The following CRIM1 variants were observed in gnomAD, a reference collection of about 807,000 sequenced individuals.
CRIM1 encodes the protein cysteine-rich motor neuron 1 protein.
Under a neutral mutation model 116.4 loss-of-function variants are expected in CRIM1, and 32 were observed. The observed-to-expected ratio is 0.27, with a 90% CI of 0.21 to 0.37. CRIM1 has a LOEUF of 0.37. CRIM1 is among the 10% of genes least tolerant of loss of function. The pLI is 1.00. For synonymous variants in CRIM1, 590 were observed against 509.2 expected, an observed-to-expected ratio of 1.16 and a Z score of -2.13; for missense variants, 1,331 against 1,354.8, an observed-to-expected ratio of 0.98 and a Z score of 0.28.
At chr2:36,520,714 G>T (rs1665330569) in intron 12 of CRIM1, among the ~76,000 whole-genome samples, 1 of 152,154 alleles carries the variant, frequency 6.6e-6, no homozygotes, top group South Asian at 2.1e-4. Context: ...CTCAGAGAAG[G>T]TCCACAATGA....
chr2:36,385,593 A>T (rs149880354), intron 1 of CRIM1, among the ~76,000 whole-genome samples: 1 of 152,274 alleles, frequency 6.6e-6, no homozygotes, highest in Non-Finnish European at 1.5e-5. Context: ...AAGGACCATC[A>T]GCAGGAGTCT....
chr2:36,548,405 TATCA>T (rs1161520412), intron 16 of CRIM1, 116 bp from the exon 17 acceptor site: 5 of 651,350 alleles, frequency 7.7e-6, no homozygotes, highest in Admixed American at 6.8e-5. Flanking sequence ...GCATACAGGC[TATCA>T]ATCAATGAAT....
At chr2:36,497,968 A>G (rs557186985) in intron 7 of CRIM1, among the ~76,000 whole-genome samples, 5 of 152,306 alleles carry the variant, frequency 3.3e-5, no homozygotes, top group South Asian at 4.1e-4. Context: ...GTTCTGTTCT[A>G]TTCCCAGCCT....
At chr2:36,423,806 A>T in intron 2 of CRIM1, among the ~76,000 whole-genome samples, 1 of 152,182 alleles carries the variant, frequency 6.6e-6, no homozygotes, top group South Asian at 2.1e-4. Context: ...TTACTTATGC[A>T]CCAGGTATTA....
At chr2:36,361,979 C>G (rs1669251773) in intron 1 of CRIM1, among the ~76,000 whole-genome samples, 1 of 152,098 alleles carries the variant, frequency 6.6e-6, no homozygotes, top group African/African-American at 2.4e-5. Flanking sequence ...ATCTGACTTG[C>G]CTTTGCATGG....
At chr2:36,381,034 A>G (rs1482974145) in intron 1 of CRIM1, among the ~76,000 whole-genome samples, 1 of 152,160 alleles carries the variant, frequency 6.6e-6, no homozygotes, top group African/African-American at 2.4e-5. Flanking sequence ...TTTGTCCCAG[A>G]ATACAGAACA....
intron 1 of CRIM1, among the ~76,000 whole-genome samples, chr2:36,363,439 C>T (rs893725020): frequency 6.6e-6 from 1 of 151,536 alleles, no homozygotes; most frequent in East Asian, 1.9e-4. Flanking sequence ...CTCTTAATCC[C>T]CATCTACCTC....
intron 1 of CRIM1, among the ~76,000 whole-genome samples, chr2:36,361,217 A>T (rs937378961): frequency 1.3e-5 from 2 of 152,190 alleles, no homozygotes; most frequent in Non-Finnish European, 2.9e-5. Flanking sequence ...GAATGGCAAA[A>T]ATAGCAAGTC....
rs1456457842 is a variant in CRIM1 at position 36,549,571 on chromosome 2, C to CTGT, written c.*872_*874dup. 9.2e-5 allele frequency: 14 copies of CTGT among 152,006 alleles called. No individual in the cohort carries two copies. Among genetic ancestry groups the CTGT allele is most frequent in the African/African-American group, 2.9e-4 (12 of 41,276 alleles). 9.4% of individuals were successfully genotyped at this position (152,006 alleles called of 1,614,324 possible). A position where few individuals can be genotyped will look rare whatever the true frequency, so the allele number is the denominator to read the frequency against. On this transcript the variant is annotated 3_prime_UTR_variant, in exon 17 of 17. Transcript: ENST00000280527. Reference sequence around the variant, plus strand: ...TTTCACTGTTTGTTGTTGCTTTGTTCTGTTATATTGTTGGTTGTTCATAGT... The same window carrying CTGT: ...TTTCACTGTTTGTTGTTGCTTTGTTCTGTTGTTATATTGTTGGTTGTTCATAGT...
intron 1 of CRIM1, among the ~76,000 whole-genome samples, chr2:36,362,632 C>T (rs1443045082): frequency 6.6e-6 from 1 of 152,092 alleles, no homozygotes; most frequent in Non-Finnish European, 1.5e-5. Context: ...GTAGCCTGGT[C>T]ACATCTTTGA....
chr2:36,449,593 G>A (rs1004645399), intron 4 of CRIM1, among the ~76,000 whole-genome samples: 5 of 152,112 alleles, frequency 3.3e-5, no homozygotes, highest in Non-Finnish European at 5.9e-5. Context: ...TGTCTGGCTC[G>A]GTTTTCCAGT....
At chr2:36,527,994 C>T (rs1665867605) in intron 13 of CRIM1, among the ~76,000 whole-genome samples, 1 of 152,040 alleles carries the variant, frequency 6.6e-6, no homozygotes, top group Non-Finnish European at 1.5e-5. Context: ...GTTCAGTTTC[C>T]TCATCTATAA....
chr2:36,397,131 G>A (rs1572640009), intron 2 of CRIM1, among the ~76,000 whole-genome samples: 1 of 152,296 alleles, frequency 6.6e-6, no homozygotes, highest in South Asian at 2.1e-4. Context: ...GGTGCTCCAT[G>A]AGGAGTCTGC....
chr2:36,381,449 T>G (rs766930520), intron 1 of CRIM1, among the ~76,000 whole-genome samples: 47 of 152,070 alleles, frequency 3.1e-4, no homozygotes, highest in Admixed American at 7.2e-4. Flanking sequence ...CCAGAGCAGT[T>G]GGGGTGAGGA....
intron 2 of CRIM1, among the ~76,000 whole-genome samples, chr2:36,398,912 C>T (rs1672228447): frequency 6.6e-6 from 1 of 152,230 alleles, no homozygotes; most frequent in South Asian, 2.1e-4. Flanking sequence ...ACTTGGAATG[C>T]TATAGGACCT....
intron 15 of CRIM1, among the ~76,000 whole-genome samples, chr2:36,545,184 A>C (rs1667230803): frequency 6.6e-6 from 1 of 152,134 alleles, no homozygotes; most frequent in Admixed American, 6.5e-5. Context: ...TTGCTATATA[A>C]CTTATATTTC....
Position 36,356,393 on chromosome 2 carries a change from C to A in CRIM1, c.101C>A (p.Ala34Glu). 6.2e-7 allele frequency: 1 copy of A among 1,602,126 alleles called. No individual in the cohort carries two copies. The highest frequency in any genetic ancestry group is 8.5e-7 in the Non-Finnish European group (1 of 1,176,286). ...LLLLARSGTR[A>E]LVCLPCDESK... ...CTGCTGGCGCGCTCCGGCACCCGGG[C>A]GCTGGTCTGCCTGCCCTGTGACGAG... is the stretch of plus-strand genomic sequence containing the variant. The change falls in exon 1 of 17, where the codon GCG (alanine) becomes GAG (glutamate). Residue 34 changes from alanine (A) to glutamate (E), a missense_variant. By Grantham distance (107) the Ala-to-Glu change is moderately radical. Transcript: ENST00000280527. The surrounding 1 kb of genome is among the most constrained non-coding windows in gnomAD (Gnocchi z 4.3).
At chr2:36,525,772 C>CT (rs1381020700) in intron 13 of CRIM1, among the ~76,000 whole-genome samples, 1 of 152,030 alleles carries the variant, frequency 6.6e-6, no homozygotes, top group African/African-American at 2.4e-5. Flanking sequence ...ATACAGATCT[C>CT]TAAAAACCTC....
At chr2:36,509,463 G>C (rs139220405) in intron 8 of CRIM1, among the ~76,000 whole-genome samples, 330 of 152,046 alleles carry the variant, frequency 2.2e-3, no homozygotes, top group African/African-American at 7.7e-3. Flanking sequence ...GGAGACAGAA[G>C]TTGCAGTGAG....
Sources: allele counts gnomAD v4.1 joint callset (sites outside exome capture counted in the v4.1 genomes callset), GRCh38; gene constraint gnomAD v4.1.1; non-coding constraint Gnocchi (gnomAD v3.1); transcripts MANE v1.5; gene names NCBI Gene and HGNC (gene_info 2026-07-23, HGNC 2026-07-21).